MYO15A: variants seen among roughly 807,000 people sequenced by gnomAD.
The protein encoded by MYO15A is myosin XVA, also known as unconventional myosin-XV.
In MYO15A, 308 loss-of-function variants were observed where a neutral mutation model predicts 394.6. The ratio of observed to expected loss-of-function variants is 0.78; its 90% CI spans 0.71 to 0.86. The LOEUF (loss-of-function observed/expected upper bound fraction) is 0.86. Ranked by LOEUF, MYO15A falls within the 40% of genes least tolerant of loss-of-function variation. The pLI is 0.00. For missense variants in MYO15A, 4,606 were observed against 4,799.1 expected (o/e 0.96, Z 1.19); for synonymous variants, 1,957 against 2,003.8 (o/e 0.98, Z 0.62).
In MYO15A at chr17:18,143,855, C is replaced by T. The variant is rs376535801; in HGVS notation, c.6047-15C>T. 5.3e-5 allele frequency: 84 copies of T among 1,574,592 alleles called. No individual in the cohort carries two copies. The African/African-American group carries it at 9.6e-4, about 18-fold the overall frequency. ...CAGATCAGAGCAGGCACCGCATTCC[C>T]TCCTCTTTCCACAGGCCTCGGGCTG... is the stretch of plus-strand genomic sequence containing the variant. On this transcript the variant is annotated splice_polypyrimidine_tract_variant and intron_variant, in intron 27 of 65. Transcript: ENST00000647165.
rs779548541 is a variant in MYO15A at position 18,132,567 on chromosome 17, G to A, written c.4320+1G>A. On this transcript the variant is annotated splice_donor_variant, in intron 11 of 65. Transcript: ENST00000647165. LOFTEE classifies it high-confidence loss of function. The surrounding 1 kb of genome is among the most constrained non-coding windows in gnomAD (Gnocchi z 4.6). ...TGAGACCTACTACTATCTGAACCAG[G>A]TGAGTGCCAGCAGGCATCTGAAGGC... 2 of 1,609,932 alleles carry A rather than the reference G, an allele frequency of 1.2e-6. No individual in the cohort carries two copies. The highest frequency in any genetic ancestry group is 2.2e-5 in the East Asian group (1 of 44,886).
intron 35 of MYO15A, 72 bp downstream of exon 35, chr17:18,149,652 C>T: frequency 1.3e-6 from 2 of 1,482,732 alleles, no homozygotes; most frequent in Non-Finnish European, 1.9e-6. Context: ...CACACTTGTA[C>T]AGGGTGACCT....
intron 40 of MYO15A, 106 bp from the exon 41 acceptor site, chr17:18,151,740 A>G: frequency 1.6e-6 from 2 of 1,232,150 alleles, no homozygotes; most frequent in Admixed American, 4.0e-5. Context: ...ATTCTCATTT[A>G]TAATGATAGG....
Position 18,153,997 on chromosome 17 carries a change from G to A in MYO15A, c.8088+101G>A. ...TAGGACTTGGGGAGGGAGCCCAGGAGGACAGAAAAAGGCCGGGCTGAAACC... is the reference window on the plus strand; with the variant it reads ...TAGGACTTGGGGAGGGAGCCCAGGAAGACAGAAAAAGGCCGGGCTGAAACC... On this transcript the variant is annotated intron_variant, in intron 43 of 65. Transcript: ENST00000647165. The surrounding 1 kb of genome is among the most constrained non-coding windows in gnomAD (Gnocchi z 4.1). The A allele has an allele frequency of 6.2e-7, 1 of 1,606,090 alleles. No individual in the cohort carries two copies. Among genetic ancestry groups the A allele is most frequent in the Non-Finnish European group, 8.5e-7 (1 of 1,174,672 alleles).
chr17:18,121,470 C>T lies in MYO15A; in HGVS notation c.2670C>T (p.Pro890=), dbSNP rs886052671. ...CTGTGAAGCCGCAAGTGCGCCTGCC[C>T]TTCCACCGACCGCCCAGGGCCGGGG... is the stretch of plus-strand genomic sequence containing the variant. ...TRAVKPQVRL[P]FHRPPRAGAW... The change falls in exon 2 of 66, where the codon CCC becomes CCT. Residue 890 remains proline, a synonymous_variant. Transcript: ENST00000647165. The surrounding 1 kb of genome is among the most constrained non-coding windows in gnomAD (Gnocchi z 5.3). 3.2e-6 allele frequency: 5 copies of T among 1,550,090 alleles called. No individual in the cohort carries two copies. Among genetic ancestry groups the T allele is most frequent in the Non-Finnish European group, 4.4e-6 (5 of 1,147,262 alleles).
intron 53 of MYO15A, 60 bp from the exon 54 acceptor site, chr17:18,159,215 G>A (rs2046737049): frequency 6.3e-7 from 1 of 1,587,412 alleles, no homozygotes; most frequent in African/African-American, 1.3e-5. Flanking sequence ...AACACAATGT[G>A]TCCCCTTTCT....
At position 18,143,875 on chromosome 17, in the gene MYO15A, G is replaced by C. The variant is rs2272571; in HGVS notation, c.6052G>C (p.Gly2018Arg). The C allele has an allele frequency of 6.3e-6, 10 of 1,581,894 alleles. No individual in the cohort carries two copies. Among genetic ancestry groups the C allele is most frequent in the Middle Eastern group, 1.7e-4 (1 of 6,054 alleles). ...ATTCCCTCCTCTTTCCACAGGCCTCGGGCTGGCCCAGGTGCCTCAGGTGGC... is the reference window on the plus strand; with the variant it reads ...ATTCCCTCCTCTTTCCACAGGCCTCCGGCTGGCCCAGGTGCCTCAGGTGGC... Reference protein sequence around the residue: ...AGLLQAVAGLGLAQVPQVAPV... With the variant: ...AGLLQAVAGLRLAQVPQVAPV... Residue 2018 changes from glycine (G) to arginine (R), a missense_variant, in exon 28 of 66, where the codon GGG becomes CGG. Around this residue, in one of 2 missense-constraint regions of MYO15A, gnomAD observed 2,776 missense variants for 3,109.3 expected, o/e 0.89. Transcript: ENST00000647165.
At chr17:18,159,136 C>T (rs1567659054) in intron 53 of MYO15A, 139 bp downstream of exon 53, 1 of 1,351,582 alleles carries the variant, frequency 7.4e-7, no homozygotes, top group Non-Finnish European at 1.0e-6. Flanking sequence ...CAAGGACAGC[C>T]TCTGTCCCCA....
Position 18,163,280 on chromosome 17 carries a change from C to T in MYO15A, c.9649C>T (p.Pro3217Ser). The T allele has an allele frequency of 1.9e-6, 3 of 1,614,222 alleles. No individual in the cohort carries two copies. Among genetic ancestry groups the T allele is most frequent in the South Asian group, 2.2e-5 (2 of 91,086 alleles). ...TTCCAAGAGGCAACTCTTTCTTCTTCCTGGAGGCCTTGAACGCCATCTCAA... is the reference window on the plus strand; with the variant it reads ...TTCCAAGAGGCAACTCTTTCTTCTTTCTGGAGGCCTTGAACGCCATCTCAA... ...RSSKRQLFLL[P>S]GGLERHLKIK... Residue 3217 changes from proline to serine, a missense_variant, in exon 59 of 66, where the codon CCT (proline) becomes TCT (serine). Transcript: ENST00000647165.
rs2046575408 is a variant in MYO15A, at chr17:18,151,224, C to T, written c.7588C>T (p.Pro2530Ser). Residue 2530 changes from proline (P) to serine (S), a missense_variant, in exon 39 of 66, where the codon CCA becomes TCA. By Grantham distance (74) the Pro-to-Ser change is moderately conservative (BLOSUM62 -1). Transcript: ENST00000647165. Reference sequence around the variant, plus strand: ...GGCCCCAGCCCCTCTGGCCAAGGCTCCAAGGCTCCCCATCAAGCCTGTGGC... The same window carrying T: ...GGCCCCAGCCCCTCTGGCCAAGGCTTCAAGGCTCCCCATCAAGCCTGTGGC... ...PLAPAPLAKA[P>S]RLPIKPVAAP... 2 of 1,614,106 alleles carry T rather than the reference C, an allele frequency of 1.2e-6. No individual in the cohort carries two copies. Among genetic ancestry groups the T allele is most frequent in the Non-Finnish European group, 1.7e-6 (2 of 1,180,024 alleles).
Position 18,149,225 on chromosome 17 carries a change from G to T in MYO15A, c.6966G>T (p.Gly2322=). Residue 2322 remains glycine, a synonymous_variant, in exon 34 of 66, where the codon GGG becomes GGT. Coordinates refer to ENST00000647165, the MANE Select transcript of MYO15A (RefSeq NM_016239.4). ...ASRGGPKVVF[G]NSWDSDEDMS... is the part of the protein sequence containing the mutation. ...TTCCTTTTCTCCACAGGGTGTTTGG[G>T]AACAGCTGGGACTCGGATGAGGACA... is the stretch of plus-strand genomic sequence containing the variant. 1 of 1,614,024 alleles carries T rather than the reference G, an allele frequency of 6.2e-7. No homozygotes were observed. The highest frequency in any genetic ancestry group is 8.5e-7 in the Non-Finnish European group (1 of 1,179,954).
At chr17:18,126,295 A>T in intron 4 of MYO15A, 52 bp from the exon 5 acceptor site, 1 of 1,402,790 alleles carries the variant, frequency 7.1e-7, no homozygotes, top group Non-Finnish European at 1.0e-6. Context: ...GGAGGGAGGG[A>T]CATAGAGGTC....
In MYO15A at chr17:18,122,249, G is replaced by T; in HGVS notation, c.3449G>T (p.Cys1150Phe). ...QPIQDPKPRA[C>F]SLRWSCLWLR... ...ATTCAGGACCCCAAGCCAAGAGCCT[G>T]TAGTCTTCGCTGGTCCTGCCTCTGG... Residue 1150 changes from cysteine to phenylalanine, a missense_variant, in exon 2 of 66, where the codon TGT (cysteine) becomes TTT (phenylalanine). Transcript: ENST00000647165. The T allele has an allele frequency of 6.2e-7, 1 of 1,613,196 alleles. No homozygotes were observed. Among genetic ancestry groups the T allele is most frequent in the Non-Finnish European group, 8.5e-7 (1 of 1,180,032 alleles).
At position 18,178,750 on chromosome 17, in the gene MYO15A, C is replaced by T; in HGVS notation, c.10492-19C>T. The T allele has an allele frequency of 6.2e-7, 1 of 1,611,714 alleles. No individual in the cohort carries two copies. ...TGGGGAAGTGTTGGATGGGCGTGGA[C>T]TGTCACTGTCACCTGCAGGGACTGG... is the stretch of plus-strand genomic sequence containing the variant. On this transcript the variant is annotated intron_variant, in intron 65 of 65. Coordinates refer to ENST00000647165, the MANE Select transcript of MYO15A (RefSeq NM_016239.4).
rs776020712 is a variant in MYO15A, at chr17:18,132,680, T to C, written c.4320+114T>C. The C allele has an allele frequency of 6.9e-5, 58 of 844,402 alleles. No individual in the cohort carries two copies. Among genetic ancestry groups the C allele is most frequent in the Non-Finnish European group, 1.0e-4 (52 of 512,666 alleles). The allele number at this position is 844,402 out of a possible 1,614,324, so 52.3% of individuals were successfully genotyped here. A position where few individuals can be genotyped will look rare whatever the true frequency, so the allele number is the denominator to read the frequency against. On this transcript the variant is annotated intron_variant, in intron 11 of 65. Coordinates refer to ENST00000647165, the MANE Select transcript of MYO15A (RefSeq NM_016239.4). This position sits in a 1 kb window ranked among gnomAD's most constrained non-coding sequence, Gnocchi z 4.6. ...GATGGAGTGTGAAGGTGAAGGAGAT[T>C]TGGGGAGGGTGAGTTTGGATTTAAG...
Position 18,120,500 on chromosome 17 carries a change from G to A in MYO15A, c.1700G>A (p.Arg567His). The A allele has an allele frequency of 6.3e-7, 1 of 1,576,188 alleles. No homozygotes were observed. The highest frequency in any genetic ancestry group is 2.3e-5 in the East Asian group (1 of 43,300). Reference protein sequence around the residue: ...FGPEFGRPVPRPATSLARFLK... With the variant: ...FGPEFGRPVPHPATSLARFLK... ...CCTGAGTTTGGCCGCCCCGTGCCTC[G>A]CCCTGCCACCTCGCTTGCGCGGTTC... is the stretch of plus-strand genomic sequence containing the variant. The change falls in exon 2 of 66, where the codon CGC (arginine) becomes CAC (histidine). Residue 567 changes from arginine (R) to histidine (H), a missense_variant. Arg to His is a conservative substitution (Grantham distance 29). Coordinates refer to ENST00000647165, the MANE Select transcript of MYO15A (RefSeq NM_016239.4).
rs775828118 is a variant in MYO15A at position 18,173,840 on chromosome 17, G to A, written c.10410G>A (p.Thr3470=). The part of the protein sequence containing the change: ...EIQSTRTQRP[T]ANSSYPYVEI... ...AGTCGACGCGGACCCAGCGGCCCACGGCCAACTCCAGCTACCCCTATGTGG... is the reference window on the plus strand; with the variant it reads ...AGTCGACGCGGACCCAGCGGCCCACAGCCAACTCCAGCTACCCCTATGTGG... Residue 3470 remains threonine (T), a synonymous_variant, in exon 65 of 66, where the codon ACG becomes ACA. Transcript: ENST00000647165. 2.4e-5 allele frequency: 38 copies of A among 1,613,204 alleles called. No individual in the cohort carries two copies. The highest frequency in any genetic ancestry group is 2.3e-4 in the South Asian group (21 of 91,068).
Position 18,150,384 on chromosome 17 carries a change from G to C in MYO15A, c.7213-45G>C. ...GGTGCCTGTTGCCATGGAACCTTGG[G>C]AGTACAATAATGAGATGGTCACTTG... On this transcript the variant is annotated intron_variant, in intron 35 of 65. Coordinates refer to ENST00000647165, the MANE Select transcript of MYO15A (RefSeq NM_016239.4). The surrounding 1 kb of genome is among the most constrained non-coding windows in gnomAD (Gnocchi z 4.4). 1 of 1,567,352 alleles carries C rather than the reference G, an allele frequency of 6.4e-7. No homozygotes were observed. Among genetic ancestry groups the C allele is most frequent in the Non-Finnish European group, 8.8e-7 (1 of 1,137,994 alleles).
intron 7 of MYO15A, among the ~76,000 whole-genome samples, chr17:18,128,531 C>T (rs1209097035): frequency 1.3e-5 from 2 of 152,212 alleles, no homozygotes; most frequent in East Asian, 3.8e-4. Context: ...CCAGGGTCTC[C>T]CATCCCAGCC....
Sources: allele counts gnomAD v4.1 joint callset (sites outside exome capture counted in the v4.1 genomes callset), GRCh38; gene constraint gnomAD v4.1.1; regional missense constraint gnomAD v4.1.1; non-coding constraint Gnocchi (gnomAD v3.1); transcripts MANE v1.5; gene names NCBI Gene and HGNC (gene_info 2026-07-23, HGNC 2026-07-21).